Variants in NAALADL2 observed in about 807,000 individuals in gnomAD.
The protein encoded by NAALADL2 is inactive N-acetylated-alpha-linked acidic dipeptidase-like protein 2.
NAALADL2 carries 76 observed loss-of-function variants against 87.2 expected under a neutral mutation model. The ratio of observed to expected loss-of-function variants is 0.87; its 90% confidence interval spans 0.72 to 1.05. The LOEUF (loss-of-function observed/expected upper bound fraction) is 1.05, where lower values mean the gene tolerates loss of function less well. Ranked by LOEUF, NAALADL2 falls within the 50% of genes least tolerant of loss-of-function variation. NAALADL2 has a pLI of 0.00. For synonymous variants in NAALADL2, 354 were observed against 331.0 expected, an observed-to-expected ratio of 1.07 and a Z score of -0.75; for missense variants, 1,089 against 945.8, an observed-to-expected ratio of 1.15 and a Z score of -1.99.
Position 174,815,021 on chromosome 3 carries a change from T to C in NAALADL2, c.-9+77275T>C, listed in dbSNP as rs1310118701. ...TTTCTATATAACATGTTGAATGTTT[T>C]ATATAATTAATGCAAAACTGAGTTT... is the stretch of plus-strand genomic sequence containing the variant. On this transcript the variant is annotated intron_variant, in intron 3 of 3. Transcript: ENST00000434257. 2.0e-5 allele frequency among the ~76,000 whole-genome samples: 3 copies of C among 152,266 alleles called. No homozygotes were observed. The East Asian group carries it at 5.8e-4, about 29-fold the overall frequency.
At chr3:174,904,173 G>C (rs1034785310) in intron 1 of NAALADL2, among the ~76,000 whole-genome samples, 7 of 151,726 alleles carry the variant, frequency 4.6e-5, no homozygotes, top group African/African-American at 1.5e-4. Flanking sequence ...TTTGGGATCA[G>C]TAAGGGGCCA....
intron 2 of NAALADL2, among the ~76,000 whole-genome samples, chr3:175,138,871 A>T (rs931574040): frequency 7.5e-6 from 1 of 133,446 alleles, no homozygotes; most frequent in Admixed American, 7.8e-5. Context: ...CCAGAAAAAA[A>T]ATTTCAGCCT....
intron 1 of NAALADL2, among the ~76,000 whole-genome samples, chr3:174,443,169 T>C (rs1714791547): frequency 6.6e-6 from 1 of 152,196 alleles, no homozygotes. Flanking sequence ...ATCTGTTTGA[T>C]ACCATTACTC....
intron 11 of NAALADL2, among the ~76,000 whole-genome samples, chr3:175,687,755 C>A (rs182037971): frequency 6.6e-6 from 1 of 152,086 alleles, no homozygotes; most frequent in Non-Finnish European, 1.5e-5. Flanking sequence ...GGCTTGGTGC[C>A]GTCCTTGTGA....
chr3:175,638,663 T>C (rs1728872213), intron 11 of NAALADL2, among the ~76,000 whole-genome samples: 1 of 152,234 alleles, frequency 6.6e-6, no homozygotes, highest in Non-Finnish European at 1.5e-5. Flanking sequence ...GAGCTTTTTA[T>C]GTAGCTACTA....
intron 9 of NAALADL2, among the ~76,000 whole-genome samples, chr3:175,474,175 T>A (rs898478522): frequency 6.6e-6 from 1 of 152,180 alleles, no homozygotes; most frequent in African/African-American, 2.4e-5. Flanking sequence ...GCATATTGAC[T>A]AAATTGTAAA....
At chr3:175,328,627 C>A (rs755349699) in intron 5 of NAALADL2, among the ~76,000 whole-genome samples, 6 of 152,090 alleles carry the variant, frequency 3.9e-5, no homozygotes, top group Admixed American at 6.5e-5. Context: ...GACTTTAGTG[C>A]TTATATAGCA....
At chr3:175,498,231 A>G (rs1444126816) in intron 9 of NAALADL2, among the ~76,000 whole-genome samples, 1 of 152,140 alleles carries the variant, frequency 6.6e-6, no homozygotes, top group Non-Finnish European at 1.5e-5. Context: ...TCTAAAAGCT[A>G]TTGACCTTAA....
At chr3:175,117,100 C>CA (rs1346477601) in intron 2 of NAALADL2, among the ~76,000 whole-genome samples, 1 of 152,014 alleles carries the variant, frequency 6.6e-6, no homozygotes, top group Non-Finnish European at 1.5e-5. Context: ...ACACCTTGTA[C>CA]AAAAATTAAT....
At chr3:175,239,983 A>T (rs1041792110) in intron 3 of NAALADL2, among the ~76,000 whole-genome samples, 1 of 152,224 alleles carries the variant, frequency 6.6e-6, no homozygotes, top group Non-Finnish European at 1.5e-5. Flanking sequence ...AACTACCAGA[A>T]CATCAGAACA....
At chr3:175,664,906 C>A (rs1057083739) in intron 11 of NAALADL2, among the ~76,000 whole-genome samples, 2 of 151,988 alleles carry the variant, frequency 1.3e-5, no homozygotes, top group Admixed American at 6.6e-5. Flanking sequence ...AGTGAAGGTC[C>A]TTTTACTAAT....
At chr3:175,115,771 C>T (rs538203418) in intron 2 of NAALADL2, among the ~76,000 whole-genome samples, 4 of 151,362 alleles carry the variant, frequency 2.6e-5, no homozygotes, top group South Asian at 2.1e-4. Context: ...AGATCGAGCG[C>T]ATTCAGGGGA....
chr3:175,156,171 G>A (rs1005591247), intron 2 of NAALADL2, among the ~76,000 whole-genome samples: 1 of 152,144 alleles, frequency 6.6e-6, no homozygotes, highest in African/African-American at 2.4e-5. Flanking sequence ...AAATGGTTGT[G>A]AGGGAGGAAC....
chr3:175,109,443 G>A (rs6797428), intron 2 of NAALADL2, among the ~76,000 whole-genome samples: 69,049 of 151,416 alleles, frequency 0.46, 15,865 homozygotes, highest in East Asian at 0.52. Context: ...CATTTATGGT[G>A]TTTATGTTCC....
At chr3:175,769,524 C>CTT (rs1360436926) in intron 13 of NAALADL2, among the ~76,000 whole-genome samples, 9 of 152,146 alleles carry the variant, frequency 5.9e-5, no homozygotes, top group Non-Finnish European at 1.3e-4. Flanking sequence ...TTGTAACATA[C>CTT]TTTTTATCTA....
intron 1 of NAALADL2, among the ~76,000 whole-genome samples, chr3:174,484,256 T>G (rs1001715017): frequency 1.3e-5 from 1 of 77,998 alleles, no homozygotes; most frequent in African/African-American, 5.2e-5. Context: ...TGATTTACAT[T>G]ATGGTATAGC....
chr3:174,636,975 A>G (rs1722713733), intron 2 of NAALADL2, among the ~76,000 whole-genome samples: 2 of 152,158 alleles, frequency 1.3e-5, no homozygotes, highest in African/African-American at 4.8e-5. Context: ...TACACAATGG[A>G]ATACTATTTG....
intron 2 of NAALADL2, among the ~76,000 whole-genome samples, chr3:175,112,334 C>A (rs1724333161): frequency 6.6e-6 from 1 of 151,524 alleles, no homozygotes. Context: ...GGGTCTCATG[C>A]TCCATATTCC....
At chr3:175,241,855 A>ATTTTTTT (rs779567135) in intron 3 of NAALADL2, among the ~76,000 whole-genome samples, 12,335 of 82,972 alleles carry the variant, frequency 0.15, 2,935 homozygotes, top group Admixed American at 0.23. Context: ...TGGATGCTGA[A>ATTTTTTT]TTTTTTTTTT....
Sources: allele counts gnomAD v4.1 joint callset (sites outside exome capture counted in the v4.1 genomes callset), GRCh38; gene constraint gnomAD v4.1.1; transcripts MANE v1.5; gene names NCBI Gene and HGNC (gene_info 2026-07-23, HGNC 2026-07-21).